Variants in GRWD1 observed in about 807,000 individuals in gnomAD.
GRWD1 encodes the protein glutamate-rich WD repeat-containing protein 1.
A neutral mutation model predicts 45.3 loss-of-function variants in GRWD1; 29 were observed. The ratio of observed to expected loss-of-function variants is 0.64; its 90% CI spans 0.48 to 0.87. The LOEUF is 0.87. Ranked by LOEUF, GRWD1 falls within the 40% of genes least tolerant of loss-of-function variation. The probability of loss-of-function intolerance (pLI) is 0.00; values close to 1 mark genes in which losing one functional copy is unlikely to be tolerated. For missense variants in GRWD1, 592 were observed against 618.8 expected (o/e 0.96, Z 0.46); for synonymous variants, 262 against 257.6 (o/e 1.02, Z -0.16).
intron 3 of GRWD1, among the ~76,000 whole-genome samples, chr19:48,449,682 G>A (rs1255215682): frequency 6.6e-6 from 1 of 152,192 alleles, no homozygotes; most frequent in Non-Finnish European, 1.5e-5. Context: ...AAAGCCAGAT[G>A]TGATGGTGCT....
intron 6 of GRWD1, among the ~76,000 whole-genome samples, chr19:48,451,938 C>A (rs1009790138): frequency 1.3e-5 from 2 of 152,126 alleles, no homozygotes; most frequent in African/African-American, 4.8e-5. Flanking sequence ...ATGAGAGAGA[C>A]GCCAATTGAG....
chr19:48,450,215 C>T lies in GRWD1; in HGVS notation c.469-98C>T. The T allele has an allele frequency of 1.1e-6, 1 of 923,106 alleles. No homozygotes were observed. Among genetic ancestry groups the T allele is most frequent in the Non-Finnish European group, 1.7e-6 (1 of 590,182 alleles). 57.2% of individuals were successfully genotyped at this position (923,106 alleles called of 1,614,324 possible). On this transcript the variant is annotated intron_variant, in intron 3 of 6. Transcript: ENST00000253237. This position sits in a 1 kb window ranked among gnomAD's most constrained non-coding sequence, Gnocchi z 5.1. ...CAGGCCTGGGAGATCTGAGGAAGCG[C>T]ACTTCTGGTTCTCTGGGATATGGGG...
rs1247729053 is a variant in GRWD1 at position 48,450,443 on chromosome 19, A to C, written c.599A>C (p.Glu200Ala). The C allele has an allele frequency of 2.5e-6, 4 of 1,614,118 alleles. No individual in the cohort carries two copies. The African/African-American group carries it at 5.3e-5, about 22-fold the overall frequency. Residue 200 changes from glutamate to alanine, a missense_variant, in exon 4 of 7, where the codon GAG becomes GCG. Transcript: ENST00000253237. This position sits in a 1 kb window ranked among gnomAD's most constrained non-coding sequence, Gnocchi z 5.1. ...PQALAAFLRD[E>A]QAQMKPIFSF... ...GCCCTGGCAGCCTTCCTCCGGGATG[A>C]GCAGGCCCAAATGAAGCCCATCTTC...
chr19:48,446,581 G>A lies in GRWD1; in HGVS notation c.305+79G>A. ...CAGCACCCAGGAGTTAGGGCTTCCA[G>A]TTTCTGCCTCTCGCAGATCCAGGAG... is the stretch of plus-strand genomic sequence containing the variant. On this transcript the variant is annotated intron_variant, in intron 2 of 6. Transcript: ENST00000253237. 6 of 1,573,684 alleles carry A rather than the reference G, an allele frequency of 3.8e-6. No individual in the cohort carries two copies. In the South Asian group the frequency reaches 6.8e-5, roughly 18 times the overall value.
Position 48,453,043 on chromosome 19 carries a change from G to T in GRWD1, c.*18G>T. Reference sequence around the variant, plus strand: ...GCGTCTGAGGCGTCCCACTGGCTCTGATCTTGCTTCCTGCTTGGAAACTGA... The same window carrying T: ...GCGTCTGAGGCGTCCCACTGGCTCTTATCTTGCTTCCTGCTTGGAAACTGA... On this transcript the variant is annotated 3_prime_UTR_variant, in exon 7 of 7. Transcript: ENST00000253237. 1 of 1,551,308 alleles carries T rather than the reference G, an allele frequency of 6.4e-7. No homozygotes were observed.
In GRWD1 at chr19:48,450,729, C is replaced by T; in HGVS notation, c.746C>T (p.Ser249Phe). ...IHLWTPTDGG[S>F]WHVDQRPFVG... is the part of the protein sequence containing the mutation. ...CTCTGGACACCTACGGACGGCGGCT[C>T]CTGGCACGTGGACCAGCGGCCATTC... The change falls in exon 5 of 7, where the codon TCC becomes TTC. Residue 249 changes from serine to phenylalanine, a missense_variant. Ser to Phe is a radical substitution (Grantham distance 155, BLOSUM62 -2). Coordinates refer to ENST00000253237, the MANE Select transcript of GRWD1 (RefSeq NM_031485.4). This position sits in a 1 kb window ranked among gnomAD's most constrained non-coding sequence, Gnocchi z 5.1. 1.2e-6 allele frequency: 2 copies of T among 1,614,082 alleles called. No homozygotes were observed. Among genetic ancestry groups the T allele is most frequent in the Non-Finnish European group, 1.7e-6 (2 of 1,180,024 alleles).
rs752450363 is a variant in GRWD1, at chr19:48,450,468, C to T, written c.624C>T (p.Phe208=). The change falls in exon 4 of 7, where the codon TTC becomes TTT. Residue 208 remains phenylalanine (F), a synonymous_variant. Coordinates refer to ENST00000253237, the MANE Select transcript of GRWD1 (RefSeq NM_031485.4). This position sits in a 1 kb window ranked among gnomAD's most constrained non-coding sequence, Gnocchi z 5.1. ...RDEQAQMKPI[F]SFAGHMGEGF... ...AGCAGGCCCAAATGAAGCCCATCTT[C>T]TCCTTCGCTGGACACATGGGCGAGG... 7 of 1,614,106 alleles carry T rather than the reference C, an allele frequency of 4.3e-6. No individual in the cohort carries two copies. Among genetic ancestry groups the T allele is most frequent in the Middle Eastern group, 1.7e-4 (1 of 6,054 alleles).
Position 48,455,309 on chromosome 19 carries a change from G to C in GRWD1, c.*2284G>C, listed in dbSNP as rs1971525886. ...TGTAGTCTCTGCTTTCCAACCTGCT[G>C]TCCAGCCCCCACCAGTAGGTGGGGA... On this transcript the variant is annotated 3_prime_UTR_variant, in exon 7 of 7. Transcript: ENST00000253237. 1 of 152,046 alleles carries C rather than the reference G, an allele frequency of 6.6e-6. No individual in the cohort carries two copies. The highest frequency in any genetic ancestry group is 1.5e-5 in the Non-Finnish European group (1 of 68,058). 9.4% of individuals were successfully genotyped at this position (152,046 alleles called of 1,614,324 possible).
At chr19:48,449,543 G>C (rs948395230) in intron 3 of GRWD1, among the ~76,000 whole-genome samples, 7 of 152,172 alleles carry the variant, frequency 4.6e-5, no homozygotes, top group Non-Finnish European at 8.8e-5. Flanking sequence ...GAATGGTCAG[G>C]CTGGCACAGT....
rs995788862 is a variant in GRWD1 at position 48,452,604 on chromosome 19, T to A, written c.1024-104T>A. On this transcript the variant is annotated intron_variant, in intron 6 of 6. Coordinates refer to ENST00000253237, the MANE Select transcript of GRWD1 (RefSeq NM_031485.4). This position sits in a 1 kb window ranked among gnomAD's most constrained non-coding sequence, Gnocchi z 5.1. ...TGTGAGGGCTTAAGGGGTGGGGCCCTGGCTGAACCCTGAGGCTGGAGAAGG... is the reference window on the plus strand; with the variant it reads ...TGTGAGGGCTTAAGGGGTGGGGCCCAGGCTGAACCCTGAGGCTGGAGAAGG... The A allele has an allele frequency of 7.0e-6, 7 of 1,002,150 alleles. No homozygotes were observed. In the Admixed American group the frequency reaches 1.6e-4, roughly 23 times the overall value. 62.1% of individuals were successfully genotyped at this position (1,002,150 alleles called of 1,614,324 possible).
intron 1 of GRWD1, 78 bp from the exon 2 acceptor site, chr19:48,446,307 C>A (rs202023587): frequency 1.9e-6 from 3 of 1,548,954 alleles, no homozygotes; most frequent in Non-Finnish European, 2.7e-6. Context: ...ATACCGGAGG[C>A]GGTTGATCCA....
chr19:48,449,123 C>T (rs573438041), intron 3 of GRWD1, among the ~76,000 whole-genome samples: 38 of 152,064 alleles, frequency 2.5e-4, no homozygotes, highest in Admixed American at 2.4e-3. Flanking sequence ...GACAGAGTCT[C>T]GCTTTTGTCG....
Position 48,450,847 on chromosome 19 carries a change from G to A in GRWD1, c.825+39G>A. 6.3e-7 allele frequency: 1 copy of A among 1,590,076 alleles called. No individual in the cohort carries two copies. Among genetic ancestry groups the A allele is most frequent in the Admixed American group, 1.8e-5 (1 of 57,092 alleles). On this transcript the variant is annotated intron_variant, in intron 5 of 6. Transcript: ENST00000253237. The surrounding 1 kb of genome is among the most constrained non-coding windows in gnomAD (Gnocchi z 5.1). ...GGGTTCTGGTCGTTTAGTTCTGATG[G>A]ATTCTAGGCCAGGGACCTAGAATCC...
chr19:48,446,625 C>G, intron 2 of GRWD1, 56 bp from the exon 3 acceptor site: 1 of 1,551,842 alleles, frequency 6.4e-7, no homozygotes, highest in Non-Finnish European at 8.7e-7. Context: ...TCCAGCCTCT[C>G]TCCTTCCTAA....
Position 48,452,759 on chromosome 19 carries a change from G to A in GRWD1, c.1075G>A (p.Val359Ile), listed in dbSNP as rs745784143. ...FKQHVAPVTS[V>I]EWHPQDSGVF... ...GCAGCACGTGGCCCCCGTGACCTCC[G>A]TCGAGTGGCACCCCCAGGACAGCGG... The change falls in exon 7 of 7, where the codon GTC (valine) becomes ATC (isoleucine). Residue 359 changes from valine to isoleucine, a missense_variant. Transcript: ENST00000253237. This position sits in a 1 kb window ranked among gnomAD's most constrained non-coding sequence, Gnocchi z 5.1. 21 of 1,602,412 alleles carry A rather than the reference G, an allele frequency of 1.3e-5. No homozygotes were observed. Among genetic ancestry groups the A allele is most frequent in the Middle Eastern group, 1.7e-4 (1 of 6,040 alleles).
rs751672705 is a variant in GRWD1, at chr19:48,452,979, G to A, written c.1295G>A (p.Ser432Asn). 1.2e-6 allele frequency: 2 copies of A among 1,603,666 alleles called. No homozygotes were observed. The highest frequency in any genetic ancestry group is 1.1e-5 in the South Asian group (1 of 90,828). The part of the protein sequence containing the change: ...WHPQCPGLLV[S>N]TALSGFTIFR... ...CCGCAGTGCCCAGGGCTCCTGGTCA[G>A]CACGGCGCTGTCAGGCTTCACCATC... The change falls in exon 7 of 7, where the codon AGC becomes AAC. Residue 432 changes from serine (S) to asparagine (N), a missense_variant. Transcript: ENST00000253237. The surrounding 1 kb of genome is among the most constrained non-coding windows in gnomAD (Gnocchi z 5.1).
chr19:48,450,562 C>A lies in GRWD1; in HGVS notation c.682+36C>A. On this transcript the variant is annotated intron_variant, in intron 4 of 6. Transcript: ENST00000253237. The surrounding 1 kb of genome is among the most constrained non-coding windows in gnomAD (Gnocchi z 5.1). Reference sequence around the variant, plus strand: ...GGGGTGTTCAGGAGTCCCGGGAGGTCGGGGGAGCAGGGTCTGCAACAAGGG... The same window carrying A: ...GGGGTGTTCAGGAGTCCCGGGAGGTAGGGGGAGCAGGGTCTGCAACAAGGG... 6 of 1,611,806 alleles carry A rather than the reference C, an allele frequency of 3.7e-6. No homozygotes were observed. Among genetic ancestry groups the A allele is most frequent in the Non-Finnish European group, 5.1e-6 (6 of 1,178,524 alleles).
chr19:48,446,360 C>T (rs747567776), intron 1 of GRWD1, 25 bp from the exon 2 acceptor site: 1 of 1,607,444 alleles, frequency 6.2e-7, no homozygotes, highest in East Asian at 2.2e-5. Flanking sequence ...CGTCTTAACT[C>T]GTAAACCCCG....
intron 3 of GRWD1, 82 bp downstream of exon 3, chr19:48,446,925 CCT>C: frequency 1.0e-5 from 10 of 980,202 alleles, no homozygotes; most frequent in Non-Finnish European, 1.2e-5. Flanking sequence ...CCCAACACCT[CCT>C]CATGTTCTTT....
Sources: gnomAD v4.1 joint callset for allele counts (sites outside exome capture counted in the v4.1 genomes callset) on GRCh38, gnomAD v4.1.1 for gene constraint, Gnocchi (gnomAD v3.1) non-coding constraint, MANE v1.5 for transcripts, NCBI Gene and HGNC (gene_info 2026-07-23, HGNC 2026-07-21) for gene names.